The following BMAL2 variants were observed in gnomAD, a reference collection of about 807,000 sequenced individuals.
BMAL2 encodes basic helix-loop-helix ARNT-like protein 2.
At chr12:27,389,425 C>T in the BMAL2 span, 6 of 612,290 alleles carry the variant, frequency 9.8e-6, no homozygotes, top group African/African-American at 7.4e-5. Context: ...GTAAACTTTA[C>T]ATCATACTTA....
At chr12:27,388,138 T>A in the BMAL2 span, among the ~76,000 whole-genome samples, 2 of 151,954 alleles carry the variant, frequency 1.3e-5, no homozygotes, top group Non-Finnish European at 2.9e-5. Flanking sequence ...ACTGACAGTT[T>A]AGGGTACCAC....
chr12:27,367,342 A>G, the BMAL2 span, among the ~76,000 whole-genome samples: 1 of 152,208 alleles, frequency 6.6e-6, no homozygotes, highest in African/African-American at 2.4e-5. Flanking sequence ...AACCGTGTGC[A>G]GTTGATAACT....
the BMAL2 span, chr12:27,368,184 A>AAAT: frequency 6.6e-7 from 1 of 1,513,148 alleles, no homozygotes; most frequent in African/African-American, 1.4e-5. Flanking sequence ...AAAGTCATTT[A>AAAT]AAATGTGTGA....
At chr12:27,410,079 A>C in the BMAL2 span, among the ~76,000 whole-genome samples, 2 of 151,812 alleles carry the variant, frequency 1.3e-5, no homozygotes, top group Non-Finnish European at 2.9e-5. Context: ...GGCGATCATT[A>C]AAAAGTCAGG....
the BMAL2 span, chr12:27,418,232 T>G: frequency 5.7e-6 from 8 of 1,398,378 alleles, no homozygotes; most frequent in Non-Finnish European, 8.0e-6. Context: ...CCATTTTCGT[T>G]TATCAAAACC....
chr12:27,406,290 G>A, the BMAL2 span, among the ~76,000 whole-genome samples: 5 of 152,148 alleles, frequency 3.3e-5, no homozygotes, highest in Admixed American at 6.5e-5. Flanking sequence ...ACACATAATT[G>A]TCAGATTCAC....
At chr12:27,420,844 G>A in the BMAL2 span, 1 of 210,102 alleles carries the variant, frequency 4.8e-6, no homozygotes, top group Admixed American at 5.5e-5. Context: ...TTTTATTTTT[G>A]ATGCAGTTTT....
the BMAL2 span, among the ~76,000 whole-genome samples, chr12:27,392,072 C>T: frequency 6.6e-6 from 1 of 152,164 alleles, no homozygotes; most frequent in Admixed American, 6.5e-5. Context: ...CAGGAATATT[C>T]ACAGGACTCT....
chr12:27,379,006 C>G, the BMAL2 span, among the ~76,000 whole-genome samples: 4 of 151,846 alleles, frequency 2.6e-5, no homozygotes, highest in Non-Finnish European at 4.4e-5. Flanking sequence ...ACATAAAATA[C>G]ACTAACACTA....
chr12:27,376,271 C>G, the BMAL2 span: 4 of 1,318,068 alleles, frequency 3.0e-6, no homozygotes, highest in East Asian at 6.9e-5. Context: ...GACTTAATCT[C>G]ACATCTATTT....
the BMAL2 span, chr12:27,385,357 T>G: frequency 1.8e-6 from 1 of 556,330 alleles, no homozygotes; most frequent in Non-Finnish European, 3.2e-6. Flanking sequence ...AAAAAAATGA[T>G]TACAGAAAAT....
the BMAL2 span, among the ~76,000 whole-genome samples, chr12:27,411,156 C>G: frequency 6.6e-6 from 1 of 151,900 alleles, no homozygotes; most frequent in African/African-American, 2.4e-5. Flanking sequence ...GAGGCAGGGT[C>G]TTGCTCTATC....
At chr12:27,349,804 G>T in the BMAL2 span, among the ~76,000 whole-genome samples, 2 of 152,178 alleles carry the variant, frequency 1.3e-5, no homozygotes, top group Non-Finnish European at 2.9e-5. Flanking sequence ...ATGAGGAAAT[G>T]ACCACAGAGA....
At chr12:27,380,450 C>T in the BMAL2 span, 2 of 1,599,090 alleles carry the variant, frequency 1.3e-6, no homozygotes, top group Admixed American at 1.7e-5. Context: ...GAAATCTGCT[C>T]TGTCACTGAG....
At chr12:27,341,237 T>C in the BMAL2 span, among the ~76,000 whole-genome samples, 1 of 152,322 alleles carries the variant, frequency 6.6e-6, no homozygotes, top group South Asian at 2.1e-4. Flanking sequence ...GATGGTATTA[T>C]GTTGGCTGTG....
At chr12:27,341,282 A>G in the BMAL2 span, among the ~76,000 whole-genome samples, 1 of 152,158 alleles carries the variant, frequency 6.6e-6, no homozygotes, top group African/African-American at 2.4e-5. Context: ...ATTTTGAGGT[A>G]TGTTCCTTTA....
At chr12:27,336,487 A>G in the BMAL2 span, among the ~76,000 whole-genome samples, 2 of 152,020 alleles carry the variant, frequency 1.3e-5, no homozygotes, top group South Asian at 2.1e-4. Context: ...GTATTTCTAG[A>G]TATTTACTGA....
the BMAL2 span, among the ~76,000 whole-genome samples, chr12:27,411,496 T>C: frequency 6.6e-6 from 1 of 151,450 alleles, no homozygotes; most frequent in African/African-American, 2.4e-5. Context: ...GGCACAGCGG[T>C]AGTCCCAGCT....
the BMAL2 span, chr12:27,417,946 T>C: frequency 4.4e-6 from 2 of 453,154 alleles, 1 homozygote; most frequent in East Asian, 7.1e-5. Flanking sequence ...TGAACCGAGA[T>C]CATGCCGCTG....
Sources: gnomAD v4.1 joint callset for allele counts (sites outside exome capture counted in the v4.1 genomes callset) on GRCh38, gnomAD v4.1.1 for gene constraint, MANE v1.5 for transcripts, NCBI Gene and HGNC (gene_info 2026-07-23, HGNC 2026-07-21) for gene names.